The following NR2C2 variants were observed in gnomAD, a reference collection of about 807,000 sequenced individuals.
NR2C2 encodes the protein Nuclear hormone receptor TR4.
Under a neutral mutation model 62.9 loss-of-function variants are expected in NR2C2, and 6 were observed. The ratio of observed to expected loss-of-function variants is 0.10; its 90% CI spans 0.05 to 0.19. The LOEUF is 0.19. Among genes scored for constraint, NR2C2 ranks in the 10% least tolerant of loss-of-function variants. The pLI is 1.00. For missense variants in NR2C2, 479 were observed against 762.7 expected (o/e 0.63, Z 4.38); for synonymous variants, 272 against 273.8 (o/e 0.99, Z 0.07).
intron 1 of NR2C2, among the ~76,000 whole-genome samples, chr3:14,990,281 G>T (rs1262335836): frequency 6.6e-6 from 1 of 152,192 alleles, no homozygotes; most frequent in Non-Finnish European, 1.5e-5. Flanking sequence ...GAGGAAAGGT[G>T]ATCTTTAAGG....
intron 3 of NR2C2, among the ~76,000 whole-genome samples, chr3:15,014,223 A>G (rs148637268): frequency 2.0e-4 from 31 of 151,962 alleles, no homozygotes; most frequent in Non-Finnish European, 3.7e-4. Flanking sequence ...ACTGTGTACT[A>G]CTCGCCCTGG....
intron 2 of NR2C2, among the ~76,000 whole-genome samples, chr3:15,011,829 C>T (rs1023878421): frequency 2.6e-5 from 4 of 152,186 alleles, no homozygotes; most frequent in Non-Finnish European, 2.9e-5. Context: ...TGATTCAAGT[C>T]TTTGTTCAGT....
chr3:14,948,607 C>CGGGGCGCGA (rs1236637276), intron 1 of NR2C2: 1 of 28,652 alleles, frequency 3.5e-5, no homozygotes, highest in Admixed American at 3.6e-4. Flanking sequence ...GGGCCGGGGG[C>CGGGGCGCGA]GGGGCGCGAG....
chr3:15,041,043 G>C (rs3773484), intron 13 of NR2C2, among the ~76,000 whole-genome samples: 9,782 of 152,246 alleles, frequency 0.064, 395 homozygotes, highest in East Asian at 0.13. Flanking sequence ...CTCCTGTCCA[G>C]TCAGGGACCC....
chr3:14,968,846 G>A (rs2125279292), intron 1 of NR2C2, among the ~76,000 whole-genome samples: 1 of 144,972 alleles, frequency 6.9e-6, no homozygotes, highest in South Asian at 2.3e-4. Context: ...GGACATGGAT[G>A]AAATTGGAAA....
At chr3:14,995,880 G>A (rs1290803129) in intron 1 of NR2C2, among the ~76,000 whole-genome samples, 1 of 152,158 alleles carries the variant, frequency 6.6e-6, no homozygotes, top group Admixed American at 6.6e-5. Context: ...TCCCTAGAGG[G>A]TGTGAAGTGG....
Position 15,013,651 on chromosome 3 carries a change from A to G in NR2C2, c.135A>G (p.Gly45=). The G allele has an allele frequency of 1.2e-6, 2 of 1,614,146 alleles. No homozygotes were observed. Among genetic ancestry groups the G allele is most frequent in the South Asian group, 2.2e-5 (2 of 91,082 alleles). ...IQIVTAVDAS[G]SPKQQFILTS... is the part of the protein sequence containing the mutation. Reference sequence around the variant, plus strand: ...TAGTCACCGCAGTGGACGCCTCCGGATCCCCCAAACAGCAGTTCATCCTGA... The same window carrying G: ...TAGTCACCGCAGTGGACGCCTCCGGGTCCCCCAAACAGCAGTTCATCCTGA... The change falls in exon 3 of 14, where the codon GGA becomes GGG. Residue 45 remains glycine (G), a synonymous_variant. Coordinates refer to ENST00000425241, the MANE Select transcript of NR2C2 (RefSeq NM_001291694.2).
intron 1 of NR2C2, among the ~76,000 whole-genome samples, chr3:14,994,939 A>C (rs1163438359): frequency 6.8e-6 from 1 of 148,026 alleles, no homozygotes; most frequent in African/African-American, 2.5e-5. Flanking sequence ...AAAAATTCAC[A>C]GCTCTATTAA....
intron 4 of NR2C2, among the ~76,000 whole-genome samples, chr3:15,018,296 C>T (rs1353632190): frequency 6.6e-6 from 1 of 152,164 alleles, no homozygotes; most frequent in Non-Finnish European, 1.5e-5. Context: ...CTTGCCCAGC[C>T]AGGGGCACTT....
chr3:14,952,575 T>C (rs1201790494), intron 1 of NR2C2, among the ~76,000 whole-genome samples: 2 of 152,232 alleles, frequency 1.3e-5, no homozygotes, highest in Non-Finnish European at 2.9e-5. Flanking sequence ...TTTACCTCTT[T>C]TTACTTTATT....
At chr3:15,007,725 A>G (rs951834504) in intron 2 of NR2C2, among the ~76,000 whole-genome samples, 1 of 152,212 alleles carries the variant, frequency 6.6e-6, no homozygotes, top group African/African-American at 2.4e-5. Context: ...GCGATTTGAT[A>G]AGATGAAAGG....
intron 1 of NR2C2, among the ~76,000 whole-genome samples, chr3:14,969,537 G>A (rs915392592): frequency 6.6e-6 from 1 of 151,982 alleles, no homozygotes; most frequent in Non-Finnish European, 1.5e-5. Flanking sequence ...CACCATGCCC[G>A]GCCAATAAAG....
chr3:15,028,446 G>A, intron 7 of NR2C2, 140 bp from the exon 8 acceptor site: 1 of 674,418 alleles, frequency 1.5e-6, no homozygotes, highest in Non-Finnish European at 2.5e-6. Context: ...TCACTAAAAA[G>A]ATCTTCCTCG....
At chr3:14,990,164 G>C (rs913246678) in intron 1 of NR2C2, among the ~76,000 whole-genome samples, 2 of 152,156 alleles carry the variant, frequency 1.3e-5, no homozygotes, top group Non-Finnish European at 2.9e-5. Flanking sequence ...GCTATATGCA[G>C]AACATGGTGT....
intron 1 of NR2C2, among the ~76,000 whole-genome samples, chr3:14,986,844 G>T (rs2040527145): frequency 6.6e-6 from 1 of 152,214 alleles, no homozygotes; most frequent in Non-Finnish European, 1.5e-5. Flanking sequence ...GTTAATAGGA[G>T]TGCCACCCAA....
chr3:15,004,035 T>G (rs747300450), intron 2 of NR2C2, 49 bp downstream of exon 2: 54 of 1,508,808 alleles, frequency 3.6e-5, no homozygotes, highest in Non-Finnish European at 4.1e-5. Context: ...AAGAACTCTT[T>G]CCAAAAACAA....
intron 1 of NR2C2, among the ~76,000 whole-genome samples, chr3:15,001,444 C>T (rs1237953741): frequency 6.7e-6 from 1 of 149,756 alleles, no homozygotes; most frequent in Non-Finnish European, 1.5e-5. Context: ...AAGCAATTCT[C>T]CTGTCTCAGC....
chr3:14,953,005 C>T (rs1047474130), intron 1 of NR2C2, among the ~76,000 whole-genome samples: 4 of 152,148 alleles, frequency 2.6e-5, no homozygotes, highest in African/African-American at 9.7e-5. Context: ...GTTAAAGGTA[C>T]AATAAATGCA....
chr3:15,021,847 C>A (rs750087113), intron 5 of NR2C2, among the ~76,000 whole-genome samples: 3 of 152,188 alleles, frequency 2.0e-5, no homozygotes, highest in Non-Finnish European at 4.4e-5. Flanking sequence ...ACAAAATTCA[C>A]TGGAGAATAA....
Sources: gnomAD v4.1 joint callset for allele counts (sites outside exome capture counted in the v4.1 genomes callset) on GRCh38, gnomAD v4.1.1 for gene constraint, MANE v1.5 for transcripts, NCBI Gene and HGNC (gene_info 2026-07-23, HGNC 2026-07-21) for gene names.